Variants in WDR72 observed in about 807,000 individuals in gnomAD.
The protein encoded by WDR72 is WD repeat-containing protein 72.
WDR72 carries 120 observed loss-of-function variants against 124.2 expected under a neutral mutation model. That is an observed-to-expected ratio of 0.97 (90% CI 0.83 to 1.12). WDR72 has a LOEUF of 1.12. WDR72 is among the 50% of genes most tolerant of loss of function. The probability of loss-of-function intolerance (pLI) is 0.00; values close to 1 mark genes in which losing one functional copy is unlikely to be tolerated. For missense variants in WDR72, 1,387 were observed against 1,278.8 expected (o/e 1.08, Z -1.29); for synonymous variants, 452 against 441.7 (o/e 1.02, Z -0.29).
chr15:53,535,731 A>T (rs1312440595), intron 18 of WDR72, among the ~76,000 whole-genome samples: 1 of 152,186 alleles, frequency 6.6e-6, no homozygotes, highest in South Asian at 2.1e-4. Context: ...TCTGAAACAC[A>T]GATCAAATTG....
chr15:53,613,781 A>C (rs915289359), intron 15 of WDR72, 24 bp from the exon 16 acceptor site: 2 of 1,470,222 alleles, frequency 1.4e-6, no homozygotes, highest in South Asian at 2.3e-5. Flanking sequence ...GATTGACAGC[A>C]TATTACTAAA....
At chr15:53,523,144 C>A in intron 19 of WDR72, 74 bp downstream of exon 19, 1 of 1,380,524 alleles carries the variant, frequency 7.2e-7, no homozygotes. Flanking sequence ...CCTCTCCCCT[C>A]ACCCCCTTCC....
At chr15:53,737,269 A>G (rs954659759) in intron 1 of WDR72, among the ~76,000 whole-genome samples, 2 of 152,228 alleles carry the variant, frequency 1.3e-5, no homozygotes, top group African/African-American at 4.8e-5. Flanking sequence ...AAAGGAACAC[A>G]GAAGTCTGCT....
At chr15:53,759,719 C>G (rs906923916), upstream of WDR72, 1 of 127,374 alleles carries the variant, frequency 7.9e-6, no homozygotes, top group Non-Finnish European at 1.7e-5. Context: ...CCGCCCGCCT[C>G]GCCCCGCCCC....
chr15:53,707,228 A>G (rs755708392), intron 9 of WDR72, among the ~76,000 whole-genome samples: 3 of 152,234 alleles, frequency 2.0e-5, no homozygotes, highest in Admixed American at 6.5e-5. Context: ...AATTCTATTC[A>G]TTAGTGATTA....
chr15:53,602,512 C>CA lies in WDR72; in HGVS notation c.2953-5239dup, dbSNP rs796401366. Reference sequence around the variant, plus strand: ...GAGCTGAACTAAAGGAGATAACTCACAAAAAAATCTATTCAAGAGATCAAC... The same window carrying CA: ...GAGCTGAACTAAAGGAGATAACTCACAAAAAAAATCTATTCAAGAGATCAAC... On this transcript the variant is annotated intron_variant, in intron 17 of 19. Transcript: ENST00000360509. Among the ~76,000 whole-genome samples the CA allele has an allele frequency of 8.0e-5, 12 of 150,792 alleles. No individual in the cohort carries two copies. The Admixed American group carries it at 8.0e-4, about 10-fold the overall frequency.
intron 14 of WDR72, among the ~76,000 whole-genome samples, chr15:53,623,508 TACACA>T (rs2014086700): frequency 1.3e-5 from 2 of 151,620 alleles, no homozygotes; most frequent in African/African-American, 4.9e-5. Context: ...CACATACACA[TACACA>T]TACACACACA....
intron 1 of WDR72, among the ~76,000 whole-genome samples, chr15:53,743,916 A>C (rs2018575389): frequency 6.6e-6 from 1 of 151,570 alleles, no homozygotes; most frequent in Non-Finnish European, 1.5e-5. Flanking sequence ...CGGAGCTTGC[A>C]GTGAGCTGAG....
At chr15:53,759,813 C>G (rs894172085), upstream of WDR72, among the ~76,000 whole-genome samples, 2 of 151,572 alleles carry the variant, frequency 1.3e-5, no homozygotes, top group Admixed American at 1.3e-4. Flanking sequence ...ACCCGCTCTC[C>G]CTTCCTGCAA....
At chr15:53,725,876 C>A (rs1254157343) in intron 2 of WDR72, among the ~76,000 whole-genome samples, 1 of 151,928 alleles carries the variant, frequency 6.6e-6, no homozygotes, top group Non-Finnish European at 1.5e-5. Context: ...AATGGATACA[C>A]CAACCTGGCT....
chr15:53,646,172 T>C (rs756517945), intron 14 of WDR72, among the ~76,000 whole-genome samples: 6 of 152,164 alleles, frequency 3.9e-5, no homozygotes, highest in Non-Finnish European at 8.8e-5. Flanking sequence ...GTCATTTTCT[T>C]TTACACTCTC....
chr15:53,558,417 GA>G (rs902577028), intron 18 of WDR72, among the ~76,000 whole-genome samples: 5 of 152,068 alleles, frequency 3.3e-5, no homozygotes, highest in Non-Finnish European at 5.9e-5. Flanking sequence ...AACGAATTCT[GA>G]AAAATGTGCT....
At chr15:53,731,952 T>C (rs1409829314) in intron 2 of WDR72, among the ~76,000 whole-genome samples, 1 of 152,200 alleles carries the variant, frequency 6.6e-6, no homozygotes, top group Non-Finnish European at 1.5e-5. Flanking sequence ...TACACAACTA[T>C]TCTAGCCAGA....
At chr15:53,762,821 G>A (rs1349099279), upstream of WDR72, 6 of 152,180 alleles carry the variant, frequency 3.9e-5, no homozygotes, top group Non-Finnish European at 8.8e-5. Flanking sequence ...CGGTGCCCAG[G>A]ACCCATAATA....
At chr15:53,752,991 A>C (rs2140898290) in intron 1 of WDR72, among the ~76,000 whole-genome samples, 1 of 152,266 alleles carries the variant, frequency 6.6e-6, no homozygotes, top group Middle Eastern at 3.4e-3. Context: ...TATAAGTCAA[A>C]TCCTAAGTAT....
At chr15:53,532,750 T>C (rs1322401252) in intron 18 of WDR72, among the ~76,000 whole-genome samples, 2 of 152,042 alleles carry the variant, frequency 1.3e-5, no homozygotes, top group African/African-American at 2.4e-5. Context: ...TAACTTATTG[T>C]ACATTTCAAA....
At chr15:53,624,816 G>A (rs969485722) in intron 14 of WDR72, among the ~76,000 whole-genome samples, 3 of 152,106 alleles carry the variant, frequency 2.0e-5, no homozygotes, top group African/African-American at 4.8e-5. Flanking sequence ...GGAAGTGTAT[G>A]CTAAAAGTCT....
intron 5 of WDR72, among the ~76,000 whole-genome samples, chr15:53,714,842 T>C (rs2017659124): frequency 6.6e-6 from 1 of 152,156 alleles, no homozygotes; most frequent in South Asian, 2.1e-4. Context: ...AACTGAATTA[T>C]CAATACTACA....
chr15:53,686,793 T>G (rs1306601989), intron 13 of WDR72, among the ~76,000 whole-genome samples: 1 of 150,514 alleles, frequency 6.6e-6, no homozygotes, highest in African/African-American at 2.5e-5. Context: ...TATTCCAAAA[T>G]TGACCACATA....
Sources: gnomAD v4.1 joint callset for allele counts (sites outside exome capture counted in the v4.1 genomes callset) on GRCh38, gnomAD v4.1.1 for gene constraint, MANE v1.5 for transcripts, NCBI Gene and HGNC (gene_info 2026-07-23, HGNC 2026-07-21) for gene names.